The following HLCS variants were observed in gnomAD, a reference collection of about 807,000 sequenced individuals.
HLCS encodes the protein biotin--protein ligase.
In HLCS, 53 loss-of-function variants were observed where a neutral mutation model predicts 75.0. The ratio of observed to expected loss-of-function variants is 0.71; its 90% CI spans 0.57 to 0.89. The LOEUF is 0.89. HLCS is among the 40% of genes least tolerant of loss of function. The probability of loss-of-function intolerance (pLI) is 0.00; values close to 1 mark genes in which losing one functional copy is unlikely to be tolerated. For missense variants in HLCS, 966 were observed against 1,074.0 expected (o/e 0.90, Z 1.41); for synonymous variants, 431 against 428.6 (o/e 1.01, Z -0.07).
intron 6 of HLCS, among the ~76,000 whole-genome samples, chr21:36,820,698 C>T (rs2061812316): frequency 6.6e-6 from 1 of 152,266 alleles, no homozygotes; most frequent in Non-Finnish European, 1.5e-5. Flanking sequence ...CATGAACAGC[C>T]TGGGTGCTGT....
chr21:36,826,822 T>C (rs1385558068), intron 6 of HLCS, among the ~76,000 whole-genome samples: 2 of 152,226 alleles, frequency 1.3e-5, no homozygotes, highest in Admixed American at 6.5e-5. Flanking sequence ...CATTCTGCTA[T>C]ACTGCCTCCC....
chr21:36,898,881 T>C (rs903185645), intron 5 of HLCS, among the ~76,000 whole-genome samples: 8 of 151,968 alleles, frequency 5.3e-5, no homozygotes, highest in Non-Finnish European at 1.0e-4. Flanking sequence ...GGCAACATGG[T>C]GAAACCCTGT....
chr21:36,938,109 C>T (rs1483396803), intron 3 of HLCS, among the ~76,000 whole-genome samples: 1 of 152,142 alleles, frequency 6.6e-6, no homozygotes, highest in African/African-American at 2.4e-5. Context: ...TCCTGAAAAA[C>T]GATTTGTCCC....
rs2066906541 is a variant in HLCS, at chr21:36,936,794, C to A, written c.1092G>T (p.Leu364Phe). ...GAATGGACTCCCTGGTAGCAATGAC[C>A]AACAGCAGACAGTTGTCCGTCCACG... ...RDPWTDNCLL[L>F]VIATRESIPE... The change falls in exon 4 of 11, where the codon TTG (leucine) becomes TTT (phenylalanine). Residue 364 changes from leucine to phenylalanine, a missense_variant. By Grantham distance (22) the Leu-to-Phe change is conservative (BLOSUM62 0). Coordinates refer to ENST00000674895, the MANE Select transcript of HLCS (RefSeq NM_001352514.2). The A allele has an allele frequency of 6.2e-7, 1 of 1,614,188 alleles. No homozygotes were observed. Among genetic ancestry groups the A allele is most frequent in the Non-Finnish European group, 8.5e-7 (1 of 1,180,036 alleles).
intron 1 of HLCS, among the ~76,000 whole-genome samples, chr21:36,977,192 C>T (rs990976772): frequency 1.3e-5 from 2 of 152,000 alleles, no homozygotes; most frequent in Admixed American, 6.6e-5. Context: ...AATTTATCTT[C>T]GTCCAGCAGA....
rs200877859 is a variant in HLCS, at chr21:36,937,190, A to G, written c.696T>C (p.Pro232=). 4.3e-5 allele frequency: 69 copies of G among 1,614,144 alleles called. No homozygotes were observed. In the East Asian group the frequency reaches 1.5e-3, roughly 35 times the overall value. Residue 232 remains proline, a synonymous_variant, in exon 4 of 11, where the codon CCT becomes CCC. Coordinates refer to ENST00000674895, the MANE Select transcript of HLCS (RefSeq NM_001352514.2). The stretch of plus-strand genomic sequence containing the variant: ...CCCCTCCCCTGTCACTGTCCCCAGC[A>G]GGCTCACTCCCAGAGGCACTGCCTC... ...QRRGSASGSE[P]AGDSDRGGGP...
At chr21:36,823,610 GGTGTGTGTGT>G (rs59724760) in intron 6 of HLCS, among the ~76,000 whole-genome samples, 5 of 132,834 alleles carry the variant, frequency 3.8e-5, no homozygotes, top group African/African-American at 8.4e-5. Context: ...AAACGTGCAG[GGTGTGTGTGT>G]GTGTGTGTGT....
At chr21:36,756,344 G>A (rs1287827405) in intron 10 of HLCS, among the ~76,000 whole-genome samples, 198 bp downstream of exon 10, 3 of 150,492 alleles carry the variant, frequency 2.0e-5, no homozygotes, top group South Asian at 2.1e-4. Flanking sequence ...TGACTGAGAC[G>A]AGAGACTGAG....
chr21:36,873,121 T>G (rs2063828604), intron 6 of HLCS, among the ~76,000 whole-genome samples: 1 of 152,000 alleles, frequency 6.6e-6, no homozygotes, highest in African/African-American at 2.4e-5. Context: ...GCATTCTTCT[T>G]TTTTTTTGTT....
chr21:36,773,995 A>C (rs2060283601), intron 6 of HLCS, among the ~76,000 whole-genome samples: 1 of 152,082 alleles, frequency 6.6e-6, no homozygotes, highest in Non-Finnish European at 1.5e-5. Context: ...AATACGATTG[A>C]TTTTTTTTAA....
chr21:36,931,737 C>T (rs1294663564), intron 4 of HLCS, among the ~76,000 whole-genome samples: 1 of 144,784 alleles, frequency 6.9e-6, no homozygotes, highest in African/African-American at 2.7e-5. Flanking sequence ...CAACAAAGTG[C>T]GACCATTTAA....
chr21:36,830,538 A>G (rs1288357966), intron 6 of HLCS, among the ~76,000 whole-genome samples: 1 of 152,070 alleles, frequency 6.6e-6, no homozygotes, highest in African/African-American at 2.4e-5. Flanking sequence ...CACTTTAGTA[A>G]AAGTGGAGAC....
chr21:36,759,482 G>T (rs779298973), intron 9 of HLCS, among the ~76,000 whole-genome samples: 2 of 152,226 alleles, frequency 1.3e-5, no homozygotes, highest in Non-Finnish European at 2.9e-5. Context: ...GTGGAAGGAT[G>T]TAGGAACATA....
intron 6 of HLCS, among the ~76,000 whole-genome samples, chr21:36,770,141 CTTTTTTT>C (rs902358188): frequency 3.9e-5 from 4 of 103,614 alleles, no homozygotes; most frequent in Admixed American, 2.0e-4. Context: ...ACTATAGATG[CTTTTTTT>C]TTTTTTTTTT....
chr21:36,947,994 G>A (rs2067483714), intron 2 of HLCS: 9 of 985,364 alleles, frequency 9.1e-6, no homozygotes, highest in Non-Finnish European at 1.1e-5. Context: ...CAGAGGTAAA[G>A]AATTTGAAAA....
chr21:36,797,291 G>C (rs79728017), intron 6 of HLCS, among the ~76,000 whole-genome samples: 2,309 of 152,186 alleles, frequency 0.015, 54 homozygotes, highest in African/African-American at 0.053. Context: ...CAACATAATA[G>C]AGTGATAATG....
chr21:36,967,134 C>G (rs776927902), upstream of HLCS, among the ~76,000 whole-genome samples: 37 of 152,108 alleles, frequency 2.4e-4, no homozygotes, highest in Non-Finnish European at 4.6e-4. Flanking sequence ...GGGGCTCTGC[C>G]TATGTTCATA....
intron 6 of HLCS, among the ~76,000 whole-genome samples, chr21:36,828,126 T>C (rs1293697132): frequency 2.6e-5 from 4 of 152,092 alleles, no homozygotes; most frequent in Non-Finnish European, 5.9e-5. Context: ...GTGGCGAGTA[T>C]TTTTCTACAG....
At chr21:36,888,461 TATATATATATATATATATATATATA>T in intron 6 of HLCS, among the ~76,000 whole-genome samples, 1 of 21,982 alleles carries the variant, frequency 4.5e-5, no homozygotes, top group Non-Finnish European at 1.0e-4. Context: ...TATATATATA[TATATATATATATATATATATATATA>T]TATATATATA....
Sources: allele counts gnomAD v4.1 joint callset (sites outside exome capture counted in the v4.1 genomes callset), GRCh38; gene constraint gnomAD v4.1.1; transcripts MANE v1.5; gene names NCBI Gene and HGNC (gene_info 2026-07-23, HGNC 2026-07-21).